The following SLC44A5 variants were observed in gnomAD, a reference collection of about 807,000 sequenced individuals.
SLC44A5 encodes the protein solute carrier family 44 member 5.
A neutral mutation model predicts 101.8 loss-of-function variants in SLC44A5; 57 were observed. The ratio of observed to expected loss-of-function variants is 0.56; its 90% CI spans 0.45 to 0.70. SLC44A5 has a LOEUF of 0.70. SLC44A5 is among the 30% of genes least tolerant of loss of function. SLC44A5 has a pLI of 0.00. For synonymous variants in SLC44A5, 281 were observed against 290.9 expected (o/e 0.97, Z 0.35); for missense variants, 737 against 853.1 (o/e 0.86, Z 1.70).
At chr1:75,689,631 C>T in the SLC44A5 span, among the ~76,000 whole-genome samples, 1 of 152,162 alleles carries the variant, frequency 6.6e-6, no homozygotes, top group African/African-American at 2.4e-5. Flanking sequence ...ATAAACCACA[C>T]CTGATGTTCT....
At chr1:75,625,120 C>T in the SLC44A5 span, among the ~76,000 whole-genome samples, 1 of 152,162 alleles carries the variant, frequency 6.6e-6, no homozygotes, top group East Asian at 1.9e-4. Context: ...TACTTGTCTC[C>T]CACACACACC....
chr1:75,456,286 T>C (rs1666185230), intron 2 of SLC44A5, among the ~76,000 whole-genome samples: 2 of 152,076 alleles, frequency 1.3e-5, no homozygotes, highest in African/African-American at 4.8e-5. Flanking sequence ...TTCTCACAAG[T>C]GGGAACTAAA....
intron 2 of SLC44A5, among the ~76,000 whole-genome samples, chr1:75,507,585 C>T (rs115241432): frequency 0.012 from 1,776 of 152,082 alleles, 12 homozygotes; most frequent in Middle Eastern, 0.024. Flanking sequence ...AGGGAGAAGT[C>T]CCTCCTCCTC....
intron 7 of SLC44A5, among the ~76,000 whole-genome samples, chr1:75,244,102 G>A (rs1570455228): frequency 6.6e-6 from 1 of 152,036 alleles, no homozygotes; most frequent in African/African-American, 2.4e-5. Flanking sequence ...TGTACAGCCT[G>A]CAGAACCATA....
chr1:75,684,111 A>T, the SLC44A5 span, among the ~76,000 whole-genome samples: 18 of 152,144 alleles, frequency 1.2e-4, no homozygotes, highest in Non-Finnish European at 2.6e-4. Flanking sequence ...AGCAAGAGAG[A>T]AGCGTAGGGG....
At chr1:75,705,386 G>T in the SLC44A5 span, among the ~76,000 whole-genome samples, 6 of 152,086 alleles carry the variant, frequency 3.9e-5, no homozygotes, top group Admixed American at 2.6e-4. Flanking sequence ...TTTCTTGAAA[G>T]AACGAATCTA....
rs528037168 is a variant in SLC44A5, at chr1:75,478,952, G to T, written c.13+62483C>A. On this transcript the variant is annotated intron_variant, in intron 2 of 23. Coordinates refer to ENST00000370859, the MANE Select transcript of SLC44A5 (RefSeq NM_001130058.2). Reference sequence around the variant, plus strand: ...CCCCAAATCAACAGAATATACATTTGTTTCAGCACCACACCACACCTATTC... The same window carrying T: ...CCCCAAATCAACAGAATATACATTTTTTTCAGCACCACACCACACCTATTC... 2.1e-4 allele frequency among the ~76,000 whole-genome samples: 32 copies of T among 152,198 alleles called. 1 individual carries two copies. The highest frequency in any genetic ancestry group is 6.3e-4 in the African/African-American group (26 of 41,540).
intron 2 of SLC44A5, among the ~76,000 whole-genome samples, chr1:75,472,118 T>G (rs554109675): frequency 6.6e-6 from 1 of 151,268 alleles, no homozygotes; most frequent in Non-Finnish European, 1.5e-5. Context: ...GCCTGGGTGT[T>G]TATTCTTCTT....
the SLC44A5 span, among the ~76,000 whole-genome samples, chr1:75,653,423 A>C: frequency 6.6e-6 from 1 of 152,206 alleles, no homozygotes; most frequent in Non-Finnish European, 1.5e-5. Flanking sequence ...CAGAGGTTGT[A>C]GTGAGCCAAG....
At chr1:75,227,286 G>A (rs1245748171) in intron 13 of SLC44A5, among the ~76,000 whole-genome samples, 1 of 152,070 alleles carries the variant, frequency 6.6e-6, no homozygotes, top group African/African-American at 2.4e-5. Context: ...AATTGCTTGA[G>A]TTTGGGAGGT....
At chr1:75,239,509 A>G (rs543614172) in intron 9 of SLC44A5, among the ~76,000 whole-genome samples, 1 of 152,018 alleles carries the variant, frequency 6.6e-6, no homozygotes, top group Admixed American at 6.6e-5. Context: ...AGGTCTCTTT[A>G]AAGCCTTTCC....
chr1:75,292,055 T>C (rs1017688371), intron 5 of SLC44A5, among the ~76,000 whole-genome samples: 8 of 151,314 alleles, frequency 5.3e-5, no homozygotes, highest in African/African-American at 1.9e-4. Flanking sequence ...TAAAGCGTAA[T>C]TTCAGATATG....
At chr1:75,221,423 T>C (rs767203803) in intron 14 of SLC44A5, among the ~76,000 whole-genome samples, 2 of 152,194 alleles carry the variant, frequency 1.3e-5, no homozygotes, top group African/African-American at 4.8e-5. Context: ...GGTGTTATTA[T>C]CTCTTGGCAT....
intron 2 of SLC44A5, among the ~76,000 whole-genome samples, chr1:75,522,986 C>T (rs1051536898): frequency 6.6e-6 from 1 of 152,134 alleles, no homozygotes; most frequent in African/African-American, 2.4e-5. Context: ...CTAAGATAAC[C>T]CTAGTACAAG....
intron 4 of SLC44A5, among the ~76,000 whole-genome samples, chr1:75,328,684 A>G (rs1656793999): frequency 6.6e-6 from 1 of 152,186 alleles, no homozygotes; most frequent in African/African-American, 2.4e-5. Context: ...TTAATTCCCT[A>G]ACAAAGCTCC....
At chr1:75,543,688 C>CAT (rs1431613619) in intron 1 of SLC44A5, among the ~76,000 whole-genome samples, 26 of 14,038 alleles carry the variant, frequency 1.9e-3, no homozygotes, top group Non-Finnish European at 2.2e-3. Flanking sequence ...TATATATACA[C>CAT]ATATATATAC....
At chr1:75,635,985 C>T in the SLC44A5 span, among the ~76,000 whole-genome samples, 5 of 151,922 alleles carry the variant, frequency 3.3e-5, no homozygotes, top group African/African-American at 9.7e-5. Context: ...GTAATTGTAA[C>T]GTCAAGGCTT....
intron 16 of SLC44A5, 96 bp from the exon 17 acceptor site, chr1:75,218,848 T>C: frequency 8.8e-7 from 1 of 1,133,412 alleles, no homozygotes; most frequent in Non-Finnish European, 1.2e-6. Context: ...TTGCATATCC[T>C]GTTGTTTCTC....
chr1:75,508,952 G>A (rs539583813), intron 2 of SLC44A5, among the ~76,000 whole-genome samples: 12 of 152,176 alleles, frequency 7.9e-5, no homozygotes, highest in Non-Finnish European at 1.0e-4. Context: ...AGAAGGCTAT[G>A]TAAATTATTT....
Sources: gnomAD v4.1 joint callset for allele counts (sites outside exome capture counted in the v4.1 genomes callset) on GRCh38, gnomAD v4.1.1 for gene constraint, MANE v1.5 for transcripts, NCBI Gene and HGNC (gene_info 2026-07-23, HGNC 2026-07-21) for gene names.